ATRNL1: variants seen among roughly 807,000 people sequenced by gnomAD.
ATRNL1 encodes attractin-like protein 1.
ATRNL1 carries 95 observed loss-of-function variants against 182.7 expected under a neutral mutation model. That is an observed-to-expected ratio of 0.52 (90% CI 0.44 to 0.62). ATRNL1 has a LOEUF of 0.62. Ranked by LOEUF, ATRNL1 falls within the 20% of genes least tolerant of loss-of-function variation. The pLI is 0.00. For missense variants in ATRNL1, 1,471 were observed against 1,679.5 expected, an observed-to-expected ratio of 0.88 and a Z score of 2.17; for synonymous variants, 576 against 568.3, an observed-to-expected ratio of 1.01 and a Z score of -0.19.
intron 20 of ATRNL1, among the ~76,000 whole-genome samples, chr10:115,417,726 C>T (rs1845461129): frequency 6.6e-6 from 1 of 152,150 alleles, no homozygotes; most frequent in Non-Finnish European, 1.5e-5. Flanking sequence ...GGCTAGGTTT[C>T]CTGGCCAGCT....
chr10:115,545,961 C>T (rs1284059640), intron 25 of ATRNL1, among the ~76,000 whole-genome samples: 5 of 152,188 alleles, frequency 3.3e-5, no homozygotes, highest in Admixed American at 3.3e-4. Context: ...TACTTCAACT[C>T]TCTGTGACTT....
chr10:115,602,030 A>T (rs1565204774), intron 26 of ATRNL1, among the ~76,000 whole-genome samples: 1 of 150,778 alleles, frequency 6.6e-6, no homozygotes, highest in Non-Finnish European at 1.5e-5. Flanking sequence ...CAATGGCTCT[A>T]GAGTTTACAA....
intron 20 of ATRNL1, among the ~76,000 whole-genome samples, chr10:115,401,662 T>G (rs1844569697): frequency 6.6e-6 from 1 of 152,136 alleles, no homozygotes. Context: ...ATGTATACAT[T>G]CTGTTTCTGG....
At chr10:115,134,647 T>A (rs1009787589) in intron 5 of ATRNL1, among the ~76,000 whole-genome samples, 4 of 152,138 alleles carry the variant, frequency 2.6e-5, no homozygotes, top group Admixed American at 6.6e-5. Context: ...ACTATTTCAA[T>A]CAATAGAAAA....
intron 5 of ATRNL1, among the ~76,000 whole-genome samples, chr10:115,130,767 G>T (rs968065365): frequency 3.3e-5 from 5 of 152,060 alleles, no homozygotes; most frequent in Non-Finnish European, 7.4e-5. Flanking sequence ...TATAGAGACA[G>T]TGGTGTATCC....
intron 19 of ATRNL1, among the ~76,000 whole-genome samples, chr10:115,378,079 G>A (rs1169416019): frequency 2.0e-5 from 3 of 152,100 alleles, no homozygotes; most frequent in African/African-American, 7.2e-5. Context: ...GATGGACTGG[G>A]ACTGAGTCAC....
intron 21 of ATRNL1, among the ~76,000 whole-genome samples, chr10:115,439,895 A>G (rs1592660131): frequency 6.6e-6 from 1 of 151,934 alleles, no homozygotes; most frequent in Non-Finnish European, 1.5e-5. Flanking sequence ...ATATGAAAGA[A>G]TTATTATTAA....
chr10:115,692,352 A>G (rs1946421049), intron 26 of ATRNL1, among the ~76,000 whole-genome samples: 1 of 152,156 alleles, frequency 6.6e-6, no homozygotes, highest in Non-Finnish European at 1.5e-5. Flanking sequence ...AATGATTAGC[A>G]AACAAGATTG....
rs368498194 is a variant in ATRNL1, at chr10:115,213,136, G to A, written c.1349-2561G>A. Among the ~76,000 whole-genome samples, 21 of 152,106 alleles carry A rather than the reference G, an allele frequency of 1.4e-4. No homozygotes were observed. The East Asian group carries it at 3.7e-3, about 27-fold the overall frequency. ...TTGATTGTCTCTTCTCATTCAAGTC[G>A]TGATTTTTCTTGTTGTCGGTATGAC... is the stretch of plus-strand genomic sequence containing the variant. On this transcript the variant is annotated intron_variant, in intron 8 of 28. Coordinates refer to ENST00000355044, the MANE Select transcript of ATRNL1 (RefSeq NM_207303.4).
chr10:115,877,062 G>A lies in ATRNL1; in HGVS notation c.4018+29071G>A, dbSNP rs145241302. Among the ~76,000 whole-genome samples, 530 of 152,284 alleles carry A rather than the reference G, an allele frequency of 3.5e-3. 3 individuals are homozygous for A. The highest frequency in any genetic ancestry group is 0.012 in the African/African-American group (509 of 41,550). ...TATAAGCAATTGTAAACTAAAATGA[G>A]TAACTGGTATATGGTAATAGACTAG... On this transcript the variant is annotated intron_variant, in intron 28 of 28. Coordinates refer to ENST00000355044, the MANE Select transcript of ATRNL1 (RefSeq NM_207303.4).
chr10:115,724,822 G>A (rs537481581), intron 26 of ATRNL1, among the ~76,000 whole-genome samples: 2 of 152,254 alleles, frequency 1.3e-5, no homozygotes, highest in South Asian at 2.1e-4. Flanking sequence ...GCAGAAATTA[G>A]TTGCAAAGAT....
chr10:115,308,782 T>A (rs1173586333), intron 17 of ATRNL1, among the ~76,000 whole-genome samples: 3 of 152,152 alleles, frequency 2.0e-5, no homozygotes, highest in Admixed American at 6.5e-5. Flanking sequence ...CTTTTATGTA[T>A]TTTTGTTTTT....
intron 21 of ATRNL1, among the ~76,000 whole-genome samples, chr10:115,444,433 G>A (rs1554966247): frequency 6.6e-6 from 1 of 151,886 alleles, no homozygotes; most frequent in African/African-American, 2.4e-5. Context: ...TTACTGAATT[G>A]TTTATTATTT....
At chr10:115,235,990 T>C (rs927363780) in intron 9 of ATRNL1, among the ~76,000 whole-genome samples, 15 of 152,276 alleles carry the variant, frequency 9.9e-5, no homozygotes, top group Middle Eastern at 3.4e-3. Flanking sequence ...AATTCATGTA[T>C]TTTTATTTTA....
chr10:115,876,977 T>C (rs1293890448), intron 28 of ATRNL1, among the ~76,000 whole-genome samples: 1 of 152,190 alleles, frequency 6.6e-6, no homozygotes, highest in African/African-American at 2.4e-5. Flanking sequence ...ATTAGAAGCA[T>C]AGTACAGTAC....
At chr10:115,723,377 C>T (rs1947491887) in intron 26 of ATRNL1, among the ~76,000 whole-genome samples, 1 of 151,912 alleles carries the variant, frequency 6.6e-6, no homozygotes. Flanking sequence ...GAGTTGTATG[C>T]CTTGTGGTGT....
chr10:115,663,314 C>T (rs1168466354), intron 26 of ATRNL1, among the ~76,000 whole-genome samples: 1 of 152,010 alleles, frequency 6.6e-6, no homozygotes, highest in Non-Finnish European at 1.5e-5. Flanking sequence ...ACACTAGACC[C>T]TTACTATGTA....
At chr10:115,389,659 A>G (rs1469287451) in intron 19 of ATRNL1, among the ~76,000 whole-genome samples, 1 of 146,776 alleles carries the variant, frequency 6.8e-6, no homozygotes. Flanking sequence ...TGCAGTGAAC[A>G]CAGGAGTACG....
chr10:115,680,567 GTC>G (rs1250447067), intron 26 of ATRNL1, among the ~76,000 whole-genome samples: 7 of 152,134 alleles, frequency 4.6e-5, no homozygotes, highest in Admixed American at 1.3e-4. Flanking sequence ...GTTATGAAAA[GTC>G]TATGTAAATT....
Sources: allele counts gnomAD v4.1 joint callset (sites outside exome capture counted in the v4.1 genomes callset), GRCh38; gene constraint gnomAD v4.1.1; transcripts MANE v1.5; gene names NCBI Gene and HGNC (gene_info 2026-07-23, HGNC 2026-07-21).